The following DYSF variants were observed in gnomAD, a reference collection of about 807,000 sequenced individuals.
The protein encoded by DYSF is dystrophy-associated fer-1-like 1.
A neutral mutation model predicts 274.9 loss-of-function variants in DYSF; 212 were observed. That is an observed-to-expected ratio of 0.77 (90% CI 0.69 to 0.86). The LOEUF (loss-of-function observed/expected upper bound fraction) is 0.86, where lower values mean the gene tolerates loss of function less well. Among genes scored for constraint, DYSF ranks in the 40% least tolerant of loss-of-function variants. The probability of loss-of-function intolerance (pLI) is 0.00; values close to 1 mark genes in which losing one functional copy is unlikely to be tolerated. For synonymous variants in DYSF, 1,091 were observed against 1,078.7 expected (o/e 1.01, Z -0.22); for missense variants, 2,666 against 2,783.2 (o/e 0.96, Z 0.95).
chr2:71,523,543 C>CT lies in DYSF; in HGVS notation c.1150-2656dup, dbSNP rs10718722. 5.7e-3 allele frequency among the ~76,000 whole-genome samples: 546 copies of CT among 96,340 alleles called. 11 individuals carry two copies. The highest frequency in any genetic ancestry group is 0.02 in the East Asian group (81 of 4,136). 63.2% of individuals were successfully genotyped at this position (96,340 alleles called of 152,430 possible). A position where few individuals can be genotyped will look rare whatever the true frequency, so the allele number is the denominator to read the frequency against. ...CTATCCCCACCTTATCACCAGTCAT[C>CT]TTTTTTTTTTTTTTTTTTTTTGAGA... On this transcript the variant is annotated intron_variant, in intron 12 of 55. Transcript: ENST00000410020.
Position 71,568,188 on chromosome 2 carries a change from A to G in DYSF, c.2714A>G (p.Lys905Arg). 1 of 1,614,200 alleles carries G rather than the reference A, an allele frequency of 6.2e-7. No homozygotes were observed. The highest frequency in any genetic ancestry group is 8.5e-7 in the Non-Finnish European group (1 of 1,180,038). Reference protein sequence around the residue: ...VFAETYENETKLALVGNWGTT... With the variant: ...VFAETYENETRLALVGNWGTT... ...GCCCTCCAGTATGAGAACGAGACTA[A>G]GTTGGCCCTTGTTGGGAACTGGGGC... is the stretch of plus-strand genomic sequence containing the variant. The change falls in exon 26 of 56, where the codon AAG becomes AGG. Residue 905 changes from lysine to arginine, a missense_variant. This residue lies in a region of DYSF where 412 missense variants were observed against 504.0 expected (regional missense o/e 0.82). Transcript: ENST00000410020.
chr2:71,459,913 A>G (rs2081216503), intron 1 of DYSF, among the ~76,000 whole-genome samples: 1 of 151,964 alleles, frequency 6.6e-6, no homozygotes, highest in Non-Finnish European at 1.5e-5. Context: ...TAAGCATGAA[A>G]CTCAGTTTCC....
chr2:71,519,827 T>C (rs1181066425), intron 10 of DYSF, among the ~76,000 whole-genome samples: 1 of 147,864 alleles, frequency 6.8e-6, no homozygotes, highest in East Asian at 2.0e-4. Flanking sequence ...TTTTTTTTTT[T>C]TTTTTTTGTA....
At chr2:71,526,073 G>A (rs1353512949) in intron 12 of DYSF, 147 bp from the exon 13 acceptor site, 8 of 1,431,348 alleles carry the variant, frequency 5.6e-6, no homozygotes, top group Admixed American at 3.5e-5. Flanking sequence ...GACCTTGCCC[G>A]AGACCACGCG....
At chr2:71,554,701 C>A (rs1048317419) in intron 21 of DYSF, among the ~76,000 whole-genome samples, 2 of 152,150 alleles carry the variant, frequency 1.3e-5, no homozygotes, top group African/African-American at 4.8e-5. Flanking sequence ...ACTCAAGTGG[C>A]TGGGGAATTG....
chr2:71,465,517 A>C (rs113385400), upstream of DYSF, among the ~76,000 whole-genome samples: 7 of 152,312 alleles, frequency 4.6e-5, no homozygotes, highest in African/African-American at 1.7e-4. Context: ...TCATGACTAC[A>C]AAAGGCACCA....
chr2:71,609,114 G>A (rs2093700737), intron 36 of DYSF, among the ~76,000 whole-genome samples: 1 of 152,154 alleles, frequency 6.6e-6, no homozygotes, highest in Non-Finnish European at 1.5e-5. Context: ...GCCCAGGGAG[G>A]ACATCAAACT....
At position 71,481,654 on chromosome 2, in the gene DYSF, C is replaced by T. The variant is rs540709600; in HGVS notation, c.148-225C>T. ...CTCCTCTCTTCTGCTGTCTTCAGCT[C>T]ATACTGTCACCTCTGAATTTCTGGA... is the stretch of plus-strand genomic sequence containing the variant. On this transcript the variant is annotated intron_variant, in intron 2 of 55. Transcript: ENST00000410020. 4.6e-5 allele frequency among the ~76,000 whole-genome samples: 7 copies of T among 151,504 alleles called. No individual in the cohort carries two copies. In the South Asian group the frequency reaches 8.4e-4, roughly 18 times the overall value.
intron 55 of DYSF, 49 bp downstream of exon 55, chr2:71,682,726 G>A (rs1483926045): frequency 6.3e-7 from 1 of 1,586,872 alleles, no homozygotes; most frequent in Admixed American, 1.8e-5. Context: ...GGTCTAATGG[G>A]GGAGTTCATC....
rs1382067206 is a variant in DYSF, at chr2:71,466,916, C to T, written c.74C>T (p.Ala25Val). 3 of 1,549,988 alleles carry T rather than the reference C, an allele frequency of 1.9e-6. No homozygotes were observed. In the African/African-American group the frequency reaches 4.1e-5, roughly 21 times the overall value. ...AKKDRRSDPV[A>V]SLTFRGVKKR... ...AAGGACCGGCGCAGCGACCCTGTCG[C>T]AAGCCTGACTTTCCGAGGTGAGAGC... Residue 25 changes from alanine to valine, a missense_variant, in exon 1 of 56, where the codon GCA becomes GTA. Transcript: ENST00000410020.
chr2:71,583,735 T>C (rs1380929921), intron 30 of DYSF, among the ~76,000 whole-genome samples: 1 of 152,144 alleles, frequency 6.6e-6, no homozygotes, highest in Non-Finnish European at 1.5e-5. Flanking sequence ...GTGGGCTCGA[T>C]CTTGGTACTG....
At chr2:71,571,305 T>TAGCACACACAGATC (rs2092421758) in intron 29 of DYSF, among the ~76,000 whole-genome samples, 1 of 75,080 alleles carries the variant, frequency 1.3e-5, no homozygotes, top group South Asian at 4.2e-4. Context: ...ACACACAGAT[T>TAGCACACACAGATC]ACACCTAGCA....
chr2:71,551,832 C>T (rs963986272), intron 19 of DYSF, 112 bp downstream of exon 19: 56 of 826,516 alleles, frequency 6.8e-5, no homozygotes, highest in East Asian at 1.3e-4. Flanking sequence ...TCTGCCCACA[C>T]GCATCGTGCC....
chr2:71,642,308 G>A lies in DYSF; in HGVS notation c.4528-1657G>A, dbSNP rs148041705. Among the ~76,000 whole-genome samples the A allele has an allele frequency of 2.5e-3, 386 of 152,320 alleles. 2 individuals carry two copies. Among genetic ancestry groups the A allele is most frequent in the Non-Finnish European group, 4.7e-3 (319 of 68,028 alleles). On this transcript the variant is annotated intron_variant, in intron 41 of 55. Transcript: ENST00000410020. ...TGCCTGTGTGCCAGTATGTGCAGTT[G>A]TGTGTTTCTGTGGGGGCATATGTGT...
At chr2:71,535,511 T>C (rs1289564965) in intron 16 of DYSF, among the ~76,000 whole-genome samples, 200 bp downstream of exon 16, 1 of 150,944 alleles carries the variant, frequency 6.6e-6, no homozygotes, top group African/African-American at 2.4e-5. Flanking sequence ...TGTTGGGAGG[T>C]AGGCAGATAA....
At chr2:71,526,923 G>A (rs536864050) in intron 13 of DYSF, among the ~76,000 whole-genome samples, 2 of 152,350 alleles carry the variant, frequency 1.3e-5, no homozygotes, top group South Asian at 2.1e-4. Flanking sequence ...GTGGGCACCC[G>A]ACTTGCAACC....
intron 52 of DYSF, among the ~76,000 whole-genome samples, chr2:71,678,591 G>A (rs1326201090): frequency 6.6e-6 from 1 of 152,084 alleles, no homozygotes; most frequent in African/African-American, 2.4e-5. Flanking sequence ...GGATGGAAAA[G>A]TTTTAGAAAT....
chr2:71,482,849 C>A (rs193301515), intron 3 of DYSF, among the ~76,000 whole-genome samples: 1 of 152,098 alleles, frequency 6.6e-6, no homozygotes, highest in Non-Finnish European at 1.5e-5. Flanking sequence ...GTGCCATTTA[C>A]GGAGGTCTAG....
At chr2:71,516,942 G>GC in intron 9 of DYSF, 47 bp from the exon 10 acceptor site, 1 of 1,592,970 alleles carries the variant, frequency 6.3e-7, no homozygotes, top group Non-Finnish European at 8.6e-7. Flanking sequence ...GGCCGTGTGG[G>GC]CCACATGTTC....
Sources: gnomAD v4.1 joint callset for allele counts (sites outside exome capture counted in the v4.1 genomes callset) on GRCh38, gnomAD v4.1.1 for gene constraint, gnomAD v4.1.1 regional missense constraint, MANE v1.5 for transcripts, NCBI Gene and HGNC (gene_info 2026-07-23, HGNC 2026-07-21) for gene names.